SEL1L2: variants seen among roughly 807,000 people sequenced by gnomAD.
The protein encoded by SEL1L2 is protein sel-1 homolog 2.
A neutral mutation model predicts 98.8 loss-of-function variants in SEL1L2; 89 were observed. The ratio of observed to expected loss-of-function variants is 0.90; its 90% CI spans 0.76 to 1.07. The LOEUF is 1.07. SEL1L2 is among the 50% of genes least tolerant of loss of function. The pLI, the probability that SEL1L2 is intolerant of heterozygous loss-of-function variation, is 0.00. For synonymous variants in SEL1L2, 262 were observed against 278.5 expected (o/e 0.94, Z 0.59); for missense variants, 788 against 812.0 (o/e 0.97, Z 0.36).
chr20:13,982,557 T>C (rs974742123), intron 1 of SEL1L2, among the ~76,000 whole-genome samples: 1 of 139,746 alleles, frequency 7.2e-6, no homozygotes, highest in Non-Finnish European at 1.6e-5. Flanking sequence ...GCAAGTTCTA[T>C]CATTGTAAAC....
chr20:13,965,404 A>G (rs993464824), intron 1 of SEL1L2, among the ~76,000 whole-genome samples: 3 of 152,194 alleles, frequency 2.0e-5, no homozygotes, highest in Non-Finnish European at 4.4e-5. Flanking sequence ...AACTGGTGAT[A>G]CATAGAAGAA....
chr20:13,930,285 C>G (rs1207031702), intron 3 of SEL1L2, among the ~76,000 whole-genome samples: 1 of 152,210 alleles, frequency 6.6e-6, no homozygotes, highest in Admixed American at 6.5e-5. Context: ...CCTCCTCAAT[C>G]CGGGTCTCTG....
chr20:13,916,364 G>A (rs542986916), intron 4 of SEL1L2, among the ~76,000 whole-genome samples: 6 of 152,252 alleles, frequency 3.9e-5, no homozygotes, highest in South Asian at 2.1e-4. Flanking sequence ...CCTGCCCTAT[G>A]CTTAGGCATG....
At chr20:13,926,113 T>G (rs965229884) in intron 3 of SEL1L2, among the ~76,000 whole-genome samples, 1 of 152,070 alleles carries the variant, frequency 6.6e-6, no homozygotes, top group Non-Finnish European at 1.5e-5. Flanking sequence ...GGTCAGGAGA[T>G]TGAGACCATC....
chr20:13,957,492 T>C (rs566607053), intron 1 of SEL1L2, among the ~76,000 whole-genome samples: 1 of 152,362 alleles, frequency 6.6e-6, no homozygotes, highest in Admixed American at 6.5e-5. Context: ...ATCTGTTGTG[T>C]TTACTTTGTA....
At chr20:13,878,045 G>C (rs374085182) in intron 10 of SEL1L2, among the ~76,000 whole-genome samples, 2 of 152,152 alleles carry the variant, frequency 1.3e-5, no homozygotes, top group Non-Finnish European at 2.9e-5. Context: ...ACACTTGGCC[G>C]GCTGCTGAGA....
At chr20:13,906,352 T>A (rs2047930769) in intron 5 of SEL1L2, among the ~76,000 whole-genome samples, 1 of 152,208 alleles carries the variant, frequency 6.6e-6, no homozygotes. Context: ...CTCCTTCTAC[T>A]TTTTATATAA....
intron 5 of SEL1L2, among the ~76,000 whole-genome samples, chr20:13,904,622 G>T (rs1020772063): frequency 1.3e-5 from 2 of 152,070 alleles, no homozygotes; most frequent in Non-Finnish European, 2.9e-5. Context: ...TAGGAAAGTG[G>T]ACCATAAAGG....
chr20:13,883,568 C>T (rs569662026), intron 10 of SEL1L2, among the ~76,000 whole-genome samples: 4 of 152,318 alleles, frequency 2.6e-5, no homozygotes, highest in East Asian at 3.9e-4. Flanking sequence ...AATAAAACCT[C>T]GTGAATGAGC....
chr20:13,936,112 C>T (rs374911229), intron 2 of SEL1L2, among the ~76,000 whole-genome samples: 20 of 152,170 alleles, frequency 1.3e-4, no homozygotes, highest in African/African-American at 4.1e-4. Flanking sequence ...TCTTCACTTG[C>T]CCTCTGCCTC....
chr20:13,867,889 G>T (rs973778830), intron 14 of SEL1L2, among the ~76,000 whole-genome samples: 1 of 152,064 alleles, frequency 6.6e-6, no homozygotes, highest in African/African-American at 2.4e-5. Context: ...AGGTGCTCCT[G>T]CTGGGCCACC....
chr20:13,893,078 A>G (rs941903721), intron 5 of SEL1L2, among the ~76,000 whole-genome samples: 1 of 152,162 alleles, frequency 6.6e-6, no homozygotes, highest in Non-Finnish European at 1.5e-5. Context: ...GTGCCTCCCA[A>G]CTGAACACCT....
In SEL1L2 at chr20:13,888,699, C is replaced by T. The variant is rs1206579093; in HGVS notation, c.550-187G>A. 1.2e-4 allele frequency among the ~76,000 whole-genome samples: 14 copies of T among 116,972 alleles called. No individual in the cohort carries two copies. The East Asian group carries it at 2.8e-3, about 24-fold the overall frequency. 76.7% of individuals were successfully genotyped at this position (116,972 alleles called of 152,430 possible). A position where few individuals can be genotyped will look rare whatever the true frequency, so the allele number is the denominator to read the frequency against. On this transcript the variant is annotated intron_variant, in intron 5 of 19. Transcript: ENST00000284951. ...TGTCGCCCAGGCTGAAGTGCAGTGG[C>T]GAGATCTCGGCTCACTGCAATCTCT...
At chr20:13,855,327 G>A (rs1249232721) in intron 18 of SEL1L2, among the ~76,000 whole-genome samples, 5 of 151,932 alleles carry the variant, frequency 3.3e-5, no homozygotes, top group Non-Finnish European at 7.4e-5. Context: ...TGGAATAGAA[G>A]TCTGGACTTC....
intron 10 of SEL1L2, among the ~76,000 whole-genome samples, chr20:13,880,612 C>CCATCCATT (rs2046651210): frequency 6.6e-6 from 1 of 151,592 alleles, no homozygotes; most frequent in African/African-American, 2.4e-5. Context: ...ATCCATCCAT[C>CCATCCATT]CATCCATCCA....
chr20:13,865,985 G>C (rs1199102524), intron 15 of SEL1L2, among the ~76,000 whole-genome samples: 1 of 152,120 alleles, frequency 6.6e-6, no homozygotes, highest in Non-Finnish European at 1.5e-5. Context: ...TGTGAGAGAG[G>C]TGTGCAGAGC....
chr20:13,990,660 T>C (rs976238537), upstream of SEL1L2: 1 of 695,248 alleles, frequency 1.4e-6, no homozygotes, highest in Non-Finnish European at 2.5e-6. Flanking sequence ...TTCCTTACTC[T>C]TGGGCCAATG....
At chr20:13,878,227 G>A (rs568071849) in intron 10 of SEL1L2, among the ~76,000 whole-genome samples, 1 of 152,010 alleles carries the variant, frequency 6.6e-6, no homozygotes, top group East Asian at 1.9e-4. Flanking sequence ...GCCTCATCTC[G>A]ACCTTCCGGA....
intron 2 of SEL1L2, among the ~76,000 whole-genome samples, chr20:13,937,675 C>A (rs2049523033): frequency 6.6e-6 from 1 of 152,138 alleles, no homozygotes; most frequent in Admixed American, 6.5e-5. Flanking sequence ...CTAAAGCTGA[C>A]CTCCTAGTAC....
Sources: gnomAD v4.1 joint callset for allele counts (sites outside exome capture counted in the v4.1 genomes callset) on GRCh38, gnomAD v4.1.1 for gene constraint, MANE v1.5 for transcripts, NCBI Gene and HGNC (gene_info 2026-07-23, HGNC 2026-07-21) for gene names.